The following RALYL variants were observed in gnomAD, a reference collection of about 807,000 sequenced individuals.
RALYL encodes RNA-binding Raly-like protein.
In RALYL, 29 loss-of-function variants were observed where a neutral mutation model predicts 35.1. That is an observed-to-expected ratio of 0.83 (90% CI 0.61 to 1.13). The LOEUF is 1.13. Ranked by LOEUF, RALYL falls within the 50% of genes most tolerant of loss-of-function variation. The pLI, the probability that RALYL is intolerant of heterozygous loss-of-function variation, is 0.00. For synonymous variants in RALYL, 120 were observed against 127.6 expected, an observed-to-expected ratio of 0.94 and a Z score of 0.40; for missense variants, 359 against 360.4, an observed-to-expected ratio of 1.00 and a Z score of 0.03.
At chr8:84,873,022 A>T in intron 6 of RALYL, 1 of 310,526 alleles carries the variant, frequency 3.2e-6, no homozygotes, top group South Asian at 1.3e-4. Flanking sequence ...AATATTTCTT[A>T]ATTCCGTTAT....
intron 8 of RALYL, among the ~76,000 whole-genome samples, chr8:84,913,218 C>T (rs1366380445): frequency 6.6e-6 from 1 of 151,924 alleles, no homozygotes; most frequent in Non-Finnish European, 1.5e-5. Flanking sequence ...GTCTAGTCAT[C>T]ATGAGTCTTG....
At chr8:84,254,209 A>G (rs562833918) in intron 1 of RALYL, among the ~76,000 whole-genome samples, 74 of 152,172 alleles carry the variant, frequency 4.9e-4, no homozygotes, top group Non-Finnish European at 8.5e-4. Flanking sequence ...AACACTAGCT[A>G]AGTTAATTTT....
intron 3 of RALYL, among the ~76,000 whole-genome samples, chr8:84,780,357 A>G (rs1817850381): frequency 6.6e-6 from 1 of 152,196 alleles, no homozygotes; most frequent in South Asian, 2.1e-4. Context: ...TCAGGATCCT[A>G]TCTTTCCTGT....
rs1393175899 is a variant in RALYL at position 84,567,765 on chromosome 8, TC to T, written c.256+38189del. On this transcript the variant is annotated intron_variant, in intron 2 of 8. Transcript: ENST00000521268. ...ATTGGATGGTAATTCTATTTTTAGT[TC>T]TTTGAGGTGTCTTCATACTGTTTTC... Among the ~76,000 whole-genome samples the T allele has an allele frequency of 2.6e-5, 4 of 151,820 alleles. No homozygotes were observed. The East Asian group carries it at 7.8e-4, about 30-fold the overall frequency.
At chr8:84,507,722 T>G (rs151246776) in intron 1 of RALYL, among the ~76,000 whole-genome samples, 12 of 152,282 alleles carry the variant, frequency 7.9e-5, no homozygotes, top group African/African-American at 2.6e-4. Context: ...TCACCTTGTA[T>G]CCACAGAGGT....
chr8:84,732,679 T>C (rs1325572711), intron 2 of RALYL, among the ~76,000 whole-genome samples: 1 of 102,166 alleles, frequency 9.8e-6, no homozygotes, highest in Non-Finnish European at 2.2e-5. Flanking sequence ...TATATATATA[T>C]ATATACACAC....
intron 2 of RALYL, among the ~76,000 whole-genome samples, chr8:84,758,931 A>T (rs1259305839): frequency 6.6e-6 from 1 of 152,208 alleles, no homozygotes; most frequent in Non-Finnish European, 1.5e-5. Flanking sequence ...GTAGATCAGA[A>T]GTCCAACATA....
At chr8:84,904,018 G>GGGGAGAAA (rs1846100603) in intron 8 of RALYL, among the ~76,000 whole-genome samples, 1 of 152,138 alleles carries the variant, frequency 6.6e-6, no homozygotes, top group South Asian at 2.1e-4. Flanking sequence ...AACCTCTTTT[G>GGGGAGAAA]GGGAGAAAGG....
chr8:84,586,741 A>G (rs1588354850), intron 2 of RALYL, among the ~76,000 whole-genome samples: 3 of 152,294 alleles, frequency 2.0e-5, no homozygotes, highest in Admixed American at 2.0e-4. Context: ...TCCTAGGGTT[A>G]AAGGTCAATC....
intron 2 of RALYL, among the ~76,000 whole-genome samples, chr8:84,746,808 T>C (rs1238911924): frequency 1.3e-5 from 2 of 151,268 alleles, no homozygotes; most frequent in Non-Finnish European, 2.9e-5. Context: ...TACAATTTAC[T>C]TAATAACCAA....
At chr8:84,792,091 A>G (rs1054585685) in intron 3 of RALYL, among the ~76,000 whole-genome samples, 1 of 152,256 alleles carries the variant, frequency 6.6e-6, no homozygotes, top group African/African-American at 2.4e-5. Context: ...CCCAAAGCCC[A>G]AGTGGACATG....
intron 8 of RALYL, among the ~76,000 whole-genome samples, chr8:84,913,030 G>GGTAGACA: frequency 2.6e-5 from 2 of 76,158 alleles, no homozygotes; most frequent in East Asian, 6.3e-4. Context: ...ATGGATGGAT[G>GGTAGACA]GATAGGTAGG....
intron 2 of RALYL, among the ~76,000 whole-genome samples, chr8:84,741,067 G>A (rs985751351): frequency 3.3e-5 from 5 of 151,924 alleles, no homozygotes; most frequent in African/African-American, 9.7e-5. Flanking sequence ...AAGGAGTTAT[G>A]GTTTATCAGG....
At chr8:84,884,352 T>C (rs1425804184) in intron 7 of RALYL, among the ~76,000 whole-genome samples, 6 of 151,994 alleles carry the variant, frequency 3.9e-5, no homozygotes, top group Non-Finnish European at 7.4e-5. Flanking sequence ...AAAGTCAGCT[T>C]TCCTGATACA....
chr8:84,675,502 T>A (rs2131881404), intron 2 of RALYL, among the ~76,000 whole-genome samples: 2 of 152,326 alleles, frequency 1.3e-5, no homozygotes, highest in Middle Eastern at 6.8e-3. Context: ...AATTAGTTTA[T>A]ACTTGAGGAA....
intron 1 of RALYL, among the ~76,000 whole-genome samples, chr8:84,303,020 A>G (rs1841109643): frequency 6.6e-6 from 1 of 152,190 alleles, no homozygotes; most frequent in Non-Finnish European, 1.5e-5. Flanking sequence ...TGATGTTAAT[A>G]TACTTTAATT....
At chr8:84,654,245 C>A (rs1340417345) in intron 2 of RALYL, among the ~76,000 whole-genome samples, 2 of 114,830 alleles carry the variant, frequency 1.7e-5, no homozygotes, top group African/African-American at 3.0e-5. Flanking sequence ...CCACCACCAC[C>A]AACGTATATG....
intron 1 of RALYL, among the ~76,000 whole-genome samples, chr8:84,474,499 A>C (rs2053161405): frequency 6.6e-6 from 1 of 152,178 alleles, no homozygotes; most frequent in South Asian, 2.1e-4. Context: ...TTTCTGAGAA[A>C]ATTTCATAGT....
chr8:84,301,357 T>C (rs1247932677), intron 1 of RALYL, among the ~76,000 whole-genome samples: 3 of 152,082 alleles, frequency 2.0e-5, no homozygotes, highest in Non-Finnish European at 4.4e-5. Context: ...GATGACTATA[T>C]TTCTTGGGAA....
Sources: allele counts gnomAD v4.1 joint callset (sites outside exome capture counted in the v4.1 genomes callset), GRCh38; gene constraint gnomAD v4.1.1; transcripts MANE v1.5; gene names NCBI Gene and HGNC (gene_info 2026-07-23, HGNC 2026-07-21).